POP1: variants seen among roughly 807,000 people sequenced by gnomAD.
POP1 encodes the protein ribonucleases P/MRP protein subunit POP1.
Under a neutral mutation model 102.2 loss-of-function variants are expected in POP1, and 75 were observed. That is an observed-to-expected ratio of 0.73 (90% CI 0.61 to 0.89). The LOEUF is 0.89. POP1 is among the 40% of genes least tolerant of loss of function. POP1 has a pLI of 0.00. For missense variants in POP1, 1,116 were observed against 1,267.4 expected, an observed-to-expected ratio of 0.88 and a Z score of 1.81; for synonymous variants, 436 against 464.1, an observed-to-expected ratio of 0.94 and a Z score of 0.78.
intron 5 of POP1, among the ~76,000 whole-genome samples, chr8:98,132,481 G>T (rs995562043): frequency 1.3e-5 from 2 of 152,180 alleles, no homozygotes; most frequent in African/African-American, 4.8e-5. Context: ...ATTGACATGC[G>T]TTGTCAGAAT....
chr8:98,146,643 A>T lies in POP1; in HGVS notation c.1670A>T (p.Asp557Val). 6.2e-7 allele frequency: 1 copy of T among 1,613,852 alleles called. No individual in the cohort carries two copies. The highest frequency in any genetic ancestry group is 8.5e-7 in the Non-Finnish European group (1 of 1,179,736). ...ECTHSFIWNQ[D>V]ICKSVTENKI... ...ACGCATAGCTTTATCTGGAACCAAG[A>T]TATCTGTAAGAGTGTCACAGAGAAT... The change falls in exon 12 of 16, where the codon GAT (aspartate) becomes GTT (valine). Residue 557 changes from aspartate (D) to valine (V), a missense_variant. Asp to Val is a radical substitution (Grantham distance 152, BLOSUM62 -3). Coordinates refer to ENST00000401707, the MANE Select transcript of POP1 (RefSeq NM_001145860.2).
Position 98,157,994 on chromosome 8 carries a change from G to T in POP1, c.2798G>T (p.Gly933Val). The change falls in exon 16 of 16, where the codon GGG becomes GTG. Residue 933 changes from glycine (G) to valine (V), a missense_variant. By Grantham distance (109) the Gly-to-Val change is moderately radical. Transcript: ENST00000401707. The part of the protein sequence containing the change: ...PGRASSDGPA[G>V]EEPVAGQEAL... Reference sequence around the variant, plus strand: ...CGTGCCTCTTCTGATGGCCCGGCGGGGGAAGAGCCCGTGGCTGGGCAGGAA... The same window carrying T: ...CGTGCCTCTTCTGATGGCCCGGCGGTGGAAGAGCCCGTGGCTGGGCAGGAA... 3.7e-6 allele frequency: 6 copies of T among 1,612,850 alleles called. No homozygotes were observed. The highest frequency in any genetic ancestry group is 1.1e-5 in the South Asian group (1 of 91,090).
chr8:98,123,891 A>G (rs1816113713), intron 2 of POP1, among the ~76,000 whole-genome samples: 1 of 152,200 alleles, frequency 6.6e-6, no homozygotes, highest in Admixed American at 6.5e-5. Context: ...AATTAAAAAC[A>G]GATACAGTAG....
Position 98,117,381 on chromosome 8 carries a change from C to T in POP1, c.-12C>T, listed in dbSNP as rs1048420574. ...ATTCTGACCCGGGGATTCCTCACAG[C>T]GTCTGGCAGGTTGGTCGTGAGGGGC... On this transcript the variant is annotated 5_prime_UTR_variant, in exon 1 of 16. Coordinates refer to ENST00000401707, the MANE Select transcript of POP1 (RefSeq NM_001145860.2). The T allele has an allele frequency of 1.8e-5, 8 of 448,228 alleles. No homozygotes were observed. The highest frequency in any genetic ancestry group is 3.3e-5 in the Non-Finnish European group (8 of 244,890). 27.8% of individuals were successfully genotyped at this position (448,228 alleles called of 1,614,324 possible).
At position 98,127,610 on chromosome 8, in the gene POP1, C is replaced by T. The variant is rs755867864; in HGVS notation, c.158C>T (p.Thr53Ile). The T allele has an allele frequency of 1.9e-6, 3 of 1,614,182 alleles. No homozygotes were observed. Among genetic ancestry groups the T allele is most frequent in the Non-Finnish European group, 2.5e-6 (3 of 1,180,040 alleles). ...AATATACTAGAGCCTCATCCTGGAA[C>T]TTCACGACAGCGGCAAACCAGAGTC... ...QAQKQEPHPG[T>I]SRQRQTRVNP... is the part of the protein sequence containing the mutation. The change falls in exon 3 of 16, where the codon ACT becomes ATT. Residue 53 changes from threonine (T) to isoleucine (I), a missense_variant. By Grantham distance (89) the Thr-to-Ile change is moderately conservative. Coordinates refer to ENST00000401707, the MANE Select transcript of POP1 (RefSeq NM_001145860.2).
chr8:98,126,288 A>T (rs1816203864), intron 2 of POP1, among the ~76,000 whole-genome samples: 2 of 152,304 alleles, frequency 1.3e-5, no homozygotes, highest in African/African-American at 4.8e-5. Context: ...AACAAAATAC[A>T]GGTTGAGCAT....
chr8:98,123,220 G>A (rs1028272677), intron 1 of POP1, 116 bp from the exon 2 acceptor site: 2 of 1,212,818 alleles, frequency 1.6e-6, no homozygotes, highest in East Asian at 5.3e-5. Context: ...TACTAATAGG[G>A]TCTCTTCCAT....
In POP1 at chr8:98,156,111, C is replaced by A. The variant is rs745667285; in HGVS notation, c.2119C>A (p.Pro707Thr). ...KLGTLAPFCC[P>T]WEQLTQDWES... is the part of the protein sequence containing the mutation. Reference sequence around the variant, plus strand: ...TGGCACTCTGGCACCTTTCTGCTGTCCCTGGGAGCAGTTAACTCAAGACTG... The same window carrying A: ...TGGCACTCTGGCACCTTTCTGCTGTACCTGGGAGCAGTTAACTCAAGACTG... The change falls in exon 15 of 16, where the codon CCC becomes ACC. Residue 707 changes from proline (P) to threonine (T), a missense_variant. Coordinates refer to ENST00000401707, the MANE Select transcript of POP1 (RefSeq NM_001145860.2). 5 of 1,614,022 alleles carry A rather than the reference C, an allele frequency of 3.1e-6. No homozygotes were observed. The African/African-American group carries it at 5.3e-5, about 17-fold the overall frequency.
chr8:98,149,236 A>G (rs565992022), intron 13 of POP1, among the ~76,000 whole-genome samples: 11 of 152,342 alleles, frequency 7.2e-5, no homozygotes, highest in Admixed American at 5.2e-4. Context: ...TGAGGTTTTT[A>G]AAGTGGCCTG....
At chr8:98,157,231 G>T (rs557546378) in intron 15 of POP1, among the ~76,000 whole-genome samples, 1 of 152,210 alleles carries the variant, frequency 6.6e-6, no homozygotes, top group Non-Finnish European at 1.5e-5. Flanking sequence ...TTACTTTTCC[G>T]TATAGTAGCC....
At chr8:98,130,899 A>G (rs1816362553) in intron 5 of POP1, among the ~76,000 whole-genome samples, 1 of 152,240 alleles carries the variant, frequency 6.6e-6, no homozygotes, top group African/African-American at 2.4e-5. Flanking sequence ...AATAGTATTT[A>G]TCTGATTGCT....
chr8:98,149,390 A>G (rs1305605515), intron 13 of POP1, among the ~76,000 whole-genome samples: 1 of 152,142 alleles, frequency 6.6e-6, no homozygotes. Context: ...ATAACCATAT[A>G]CTCCTATTTA....
intron 1 of POP1, chr8:98,117,769 C>T (rs985105424): frequency 6.5e-6 from 1 of 153,566 alleles, no homozygotes; most frequent in African/African-American, 2.4e-5. Flanking sequence ...CTAGGGTGCT[C>T]CTCGGGCTTT....
At chr8:98,120,771 C>T (rs982342635) in intron 1 of POP1, among the ~76,000 whole-genome samples, 1 of 152,058 alleles carries the variant, frequency 6.6e-6, no homozygotes, top group African/African-American at 2.4e-5. Context: ...CTCAGCCTCC[C>T]GAGTAGCTGG....
Position 98,130,077 on chromosome 8 carries a change from C to G in POP1, c.586C>G (p.Gln196Glu), listed in dbSNP as rs1053297955. The G allele has an allele frequency of 1.2e-6, 2 of 1,613,992 alleles. No homozygotes were observed. The highest frequency in any genetic ancestry group is 2.7e-5 in the African/African-American group (2 of 74,906). ...CCGGACGCTAGAATTTAACCGTAGA[C>G]AAAAGAAGAACATTTGGTTAGAAAC... ...MNRTLEFNRR[Q>E]KKNIWLETHI... Residue 196 changes from glutamine to glutamate, a missense_variant, in exon 5 of 16, where the codon CAA becomes GAA. Transcript: ENST00000401707.
intron 14 of POP1, among the ~76,000 whole-genome samples, chr8:98,153,378 AG>A (rs1181771075): frequency 6.6e-6 from 1 of 152,012 alleles, no homozygotes; most frequent in Non-Finnish European, 1.5e-5. Context: ...ACAAGGAAGA[AG>A]GGGGGGATTC....
chr8:98,143,553 C>T (rs1563780528), intron 11 of POP1, among the ~76,000 whole-genome samples: 2 of 151,990 alleles, frequency 1.3e-5, no homozygotes, highest in African/African-American at 2.4e-5. Flanking sequence ...TTAGGGTTCA[C>T]TCTTGGTGAT....
At chr8:98,147,578 G>T (rs1809386966) in intron 12 of POP1, among the ~76,000 whole-genome samples, 1 of 152,252 alleles carries the variant, frequency 6.6e-6, no homozygotes, top group South Asian at 2.1e-4. Context: ...CAGCAGTGTG[G>T]GGTTGGAGAT....
At chr8:98,138,863 T>G (rs1041817059) in intron 9 of POP1, among the ~76,000 whole-genome samples, 6 of 149,316 alleles carry the variant, frequency 4.0e-5, no homozygotes, top group South Asian at 4.3e-4. Context: ...TTTTTTTTTT[T>G]TTTGTTTGAG....
Sources: allele counts gnomAD v4.1 joint callset (sites outside exome capture counted in the v4.1 genomes callset), GRCh38; gene constraint gnomAD v4.1.1; transcripts MANE v1.5; gene names NCBI Gene and HGNC (gene_info 2026-07-23, HGNC 2026-07-21).